Variants in TEX10 observed in about 807,000 individuals in gnomAD.
The protein encoded by TEX10 is testis expressed 10.
TEX10 carries 24 observed loss-of-function variants against 104.4 expected under a neutral mutation model. The ratio of observed to expected loss-of-function variants is 0.23; its 90% CI spans 0.17 to 0.32. TEX10 has a LOEUF of 0.32. Among genes scored for constraint, TEX10 ranks in the 10% least tolerant of loss-of-function variants. TEX10 has a pLI of 1.00. For synonymous variants in TEX10, 396 were observed against 393.4 expected (o/e 1.01, Z -0.08); for missense variants, 921 against 1,083.9 (o/e 0.85, Z 2.11).
At chr9:100,343,305 CT>C in intron 4 of TEX10, among the ~76,000 whole-genome samples, 1 of 134,630 alleles carries the variant, frequency 7.4e-6, no homozygotes, top group South Asian at 2.5e-4. Flanking sequence ...GAAGGTTTGA[CT>C]TTAAAATAAA....
chr9:100,302,333 A>T, intron 14 of TEX10, 29 bp from the exon 15 acceptor site: 1 of 1,509,576 alleles, frequency 6.6e-7, no homozygotes, highest in Non-Finnish European at 9.2e-7. Context: ...GTAATCTGAG[A>T]ACTGCACCCA....
At chr9:100,324,986 T>C (rs1048123754) in intron 9 of TEX10, among the ~76,000 whole-genome samples, 2 of 152,232 alleles carry the variant, frequency 1.3e-5, no homozygotes, top group African/African-American at 4.8e-5. Context: ...CAGGCCCCTC[T>C]AATGTGCATA....
At chr9:100,340,646 G>GA (rs757392817) in intron 4 of TEX10, among the ~76,000 whole-genome samples, 22 of 152,132 alleles carry the variant, frequency 1.4e-4, no homozygotes, top group Non-Finnish European at 2.9e-4. Flanking sequence ...AGAAAATTCT[G>GA]AATTTGGACT....
At chr9:100,304,391 G>A in intron 13 of TEX10, 1 of 155,092 alleles carries the variant, frequency 6.4e-6, no homozygotes, top group Admixed American at 6.2e-5. Flanking sequence ...ATAAACCAAT[G>A]GAACAGAAAA....
Position 100,352,873 on chromosome 9 carries a change from TCCCG to T in TEX10, c.-115_-112del. 2 of 998,358 alleles carry T rather than the reference TCCCG, an allele frequency of 2.0e-6. No homozygotes were observed. Among genetic ancestry groups the T allele is most frequent in the Non-Finnish European group, 1.2e-6 (1 of 839,368 alleles). The allele number at this position is 998,358 out of a possible 1,614,324, so 61.8% of individuals were successfully genotyped here. On this transcript the variant is annotated 5_prime_UTR_variant, in exon 1 of 15. Transcript: ENST00000374902. ...TGCGCCGCCGACCTCAGGCTCTAGCTCCCGGAGCGTGTTTTCAAATAGCCTCGTC... is the reference window on the plus strand; with the variant it reads ...TGCGCCGCCGACCTCAGGCTCTAGCTGAGCGTGTTTTCAAATAGCCTCGTC...
intron 10 of TEX10, among the ~76,000 whole-genome samples, 191 bp from the exon 11 acceptor site, chr9:100,320,589 T>C (rs1249692496): frequency 1.3e-5 from 2 of 152,222 alleles, no homozygotes; most frequent in Admixed American, 1.3e-4. Flanking sequence ...TAAATTCATA[T>C]AATTATATAA....
At chr9:100,311,805 T>C (rs1263441647) in intron 11 of TEX10, among the ~76,000 whole-genome samples, 1 of 152,118 alleles carries the variant, frequency 6.6e-6, no homozygotes, top group East Asian at 1.9e-4. Context: ...CAGAATCTGA[T>C]ACAGTATACT....
At chr9:100,325,667 A>T (rs1272893092) in intron 9 of TEX10, among the ~76,000 whole-genome samples, 1 of 152,110 alleles carries the variant, frequency 6.6e-6, no homozygotes, top group African/African-American at 2.4e-5. Flanking sequence ...AGTAGCTGGG[A>T]CTATAGGCAT....
At chr9:100,309,711 G>A (rs1424441855) in intron 12 of TEX10, among the ~76,000 whole-genome samples, 1 of 152,226 alleles carries the variant, frequency 6.6e-6, no homozygotes, top group African/African-American at 2.4e-5. Context: ...TAATTTGGGA[G>A]CCCTGCTTTG....
intron 13 of TEX10, 159 bp from the exon 14 acceptor site, chr9:100,304,001 C>CCACA (rs144841002): frequency 1.5e-6 from 1 of 657,728 alleles, no homozygotes; most frequent in Non-Finnish European, 2.7e-6. Context: ...CTTACAATAG[C>CCACA]CACACACACA....
chr9:100,326,622 A>C (rs1468293667), intron 8 of TEX10, 143 bp from the exon 9 acceptor site: 2 of 767,562 alleles, frequency 2.6e-6, no homozygotes, highest in African/African-American at 3.5e-5. Context: ...TAAAAGCATA[A>C]TTATATTAAT....
intron 13 of TEX10, among the ~76,000 whole-genome samples, chr9:100,308,192 G>C (rs1417994595): frequency 1.3e-5 from 2 of 150,472 alleles, no homozygotes; most frequent in East Asian, 4.0e-4. Flanking sequence ...CCTAACGGTA[G>C]ATTTATTTTT....
Position 100,303,680 on chromosome 9 carries a change from A to T in TEX10, c.2628T>A (p.His876Gln). The T allele has an allele frequency of 6.2e-7, 1 of 1,614,094 alleles. No individual in the cohort carries two copies. Among genetic ancestry groups the T allele is most frequent in the Non-Finnish European group, 8.5e-7 (1 of 1,180,022 alleles). ...LLLQHAPLRT[H>Q]MLTNAILVQQ... ...GCACCAAGATCGCATTGGTCAACAT[A>T]TGAGTCCTGAGGGGTGCATGCTGAA... Residue 876 changes from histidine (H) to glutamine (Q), a missense_variant, in exon 14 of 15, where the codon CAT (histidine) becomes CAA (glutamine). Physicochemically the swap from His to Gln is conservative, Grantham distance 24. This residue lies in a region of TEX10 where 753 missense variants were observed against 868.4 expected (regional missense o/e 0.87). Coordinates refer to ENST00000374902, the MANE Select transcript of TEX10 (RefSeq NM_017746.4).
intron 9 of TEX10, among the ~76,000 whole-genome samples, chr9:100,322,473 G>A (rs1001692229): frequency 2.6e-5 from 4 of 152,180 alleles, no homozygotes; most frequent in Admixed American, 1.3e-4. Flanking sequence ...TTGCAAAAAG[G>A]CTGAGAATAA....
chr9:100,303,889 G>C (rs545981525), intron 13 of TEX10, 47 bp from the exon 14 acceptor site: 1 of 1,578,080 alleles, frequency 6.3e-7, no homozygotes, highest in African/African-American at 1.3e-5. Context: ...ATGCCCACAG[G>C]AAAAGCCCCC....
intron 3 of TEX10, 27 bp downstream of exon 3, chr9:100,346,667 T>A: frequency 6.3e-7 from 1 of 1,577,130 alleles, no homozygotes; most frequent in East Asian, 2.2e-5. Flanking sequence ...AGCAAAACTG[T>A]GTGGACATAA....
In TEX10 at chr9:100,329,183, T is replaced by C. The variant is rs755819540; in HGVS notation, c.1582A>G (p.Ser528Gly). 28 of 1,611,680 alleles carry C rather than the reference T, an allele frequency of 1.7e-5. No individual in the cohort carries two copies. The highest frequency in any genetic ancestry group is 2.4e-5 in the Non-Finnish European group (28 of 1,179,420). ...PVRTLLLKFFSKIYQTEELRS... is the reference protein window; with the variant it reads ...PVRTLLLKFFGKIYQTEELRS... ...AGTTCTTCTGTCTGATAGATTTTAC[T>C]GAAAAACTTCAATAACAAAGTCCGA... Residue 528 changes from serine (S) to glycine (G), a missense_variant, in exon 7 of 15, where the codon AGT (serine) becomes GGT (glycine). Coordinates refer to ENST00000374902, the MANE Select transcript of TEX10 (RefSeq NM_017746.4).
Position 100,346,716 on chromosome 9 carries a change from C to T in TEX10, c.871G>A (p.Val291Ile), listed in dbSNP as rs750414525. Reference sequence around the variant, plus strand: ...TACCGTAGCCTGAACTGTGAACTGACATTTGGCTGTGAACCCCCATTTTCA... The same window carrying T: ...TACCGTAGCCTGAACTGTGAACTGATATTTGGCTGTGAACCCCCATTTTCA... ...VYENGGSQPN[V>I]SSQFRLRYLV... Residue 291 changes from valine to isoleucine, a missense_variant, in exon 3 of 15, where the codon GTC becomes ATC. Val to Ile is a conservative substitution (Grantham distance 29). Around this residue, in one of 3 missense-constraint regions of TEX10, gnomAD observed 753 missense variants for 868.4 expected, o/e 0.87. Coordinates refer to ENST00000374902, the MANE Select transcript of TEX10 (RefSeq NM_017746.4). The T allele has an allele frequency of 4.5e-5, 73 of 1,612,878 alleles. No homozygotes were observed. Among genetic ancestry groups the T allele is most frequent in the Non-Finnish European group, 6.1e-5 (72 of 1,179,410 alleles).
chr9:100,325,661 G>C (rs1834688118), intron 9 of TEX10, among the ~76,000 whole-genome samples: 1 of 152,146 alleles, frequency 6.6e-6, no homozygotes, highest in Non-Finnish European at 1.5e-5. Flanking sequence ...CTCCTGAGTA[G>C]CTGGGACTAT....
Sources: allele counts gnomAD v4.1 joint callset (sites outside exome capture counted in the v4.1 genomes callset), GRCh38; gene constraint gnomAD v4.1.1; regional missense constraint gnomAD v4.1.1; transcripts MANE v1.5; gene names NCBI Gene and HGNC (gene_info 2026-07-23, HGNC 2026-07-21).